The following SNX6 variants were observed in gnomAD, a reference collection of about 807,000 sequenced individuals.
SNX6 encodes sorting nexin-6.
In SNX6, 34 loss-of-function variants were observed where a neutral mutation model predicts 63.0. The observed-to-expected ratio is 0.54, with a 90% CI of 0.41 to 0.72. The LOEUF (loss-of-function observed/expected upper bound fraction) is 0.72, where lower values mean the gene tolerates loss of function less well. Ranked by LOEUF, SNX6 falls within the 30% of genes least tolerant of loss-of-function variation. SNX6 has a pLI of 0.00. For missense variants in SNX6, 398 were observed against 471.4 expected (o/e 0.84, Z 1.44); for synonymous variants, 170 against 164.2 (o/e 1.04, Z -0.27).
chr14:34,613,877 G>A (rs985878575), intron 2 of SNX6, among the ~76,000 whole-genome samples: 9 of 152,018 alleles, frequency 5.9e-5, no homozygotes, highest in Non-Finnish European at 1.2e-4. Flanking sequence ...GGGAGCCCGA[G>A]GTGGGTGGAT....
chr14:34,581,486 T>C, intron 10 of SNX6, 75 bp downstream of exon 10: 1 of 881,676 alleles, frequency 1.1e-6, no homozygotes, highest in South Asian at 2.0e-5. Flanking sequence ...TTTTCTGAAT[T>C]GTGGTAAAAA....
intron 2 of SNX6, among the ~76,000 whole-genome samples, chr14:34,627,448 C>T (rs1469346620): frequency 1.3e-5 from 2 of 149,628 alleles, no homozygotes; most frequent in Non-Finnish European, 3.0e-5. Flanking sequence ...AGCGAGACTC[C>T]GTTTCAAAAA....
chr14:34,625,413 C>CAGA (rs1469624922), intron 2 of SNX6, among the ~76,000 whole-genome samples: 1 of 152,102 alleles, frequency 6.6e-6, no homozygotes, highest in Non-Finnish European at 1.5e-5. Context: ...AGTGCACAAA[C>CAGA]AGAAACTCCT....
chr14:34,570,992 G>C (rs372037405), intron 11 of SNX6, among the ~76,000 whole-genome samples: 1 of 151,008 alleles, frequency 6.6e-6, no homozygotes, highest in South Asian at 2.1e-4. Flanking sequence ...CAAAGTACTG[G>C]GATTACAGAC....
chr14:34,577,021 G>T (rs529271753), intron 10 of SNX6, among the ~76,000 whole-genome samples: 1 of 152,054 alleles, frequency 6.6e-6, no homozygotes, highest in African/African-American at 2.4e-5. Flanking sequence ...CTACATTCCA[G>T]CCTGGGTGAC....
rs531659964 is a variant in SNX6, at chr14:34,609,540, T to C, written c.159+98A>G. The C allele has an allele frequency of 1.7e-4, 100 of 582,716 alleles. 1 individual carries two copies. The South Asian group carries it at 3.3e-3, about 19-fold the overall frequency. The allele number at this position is 582,716 out of a possible 1,614,324, so 36.1% of individuals were successfully genotyped here. On this transcript the variant is annotated intron_variant, in intron 3 of 13. Transcript: ENST00000362031. ...CTACATCTATTTTTGTTAAAATAGT[T>C]TCTTTCCAATTATGTTTAAAACCCA...
intron 12 of SNX6, 26 bp downstream of exon 12, chr14:34,567,828 G>A: frequency 6.2e-7 from 1 of 1,613,056 alleles, no homozygotes; most frequent in Non-Finnish European, 8.5e-7. Flanking sequence ...AGCATATCTT[G>A]TGATTAAAGG....
intron 2 of SNX6, among the ~76,000 whole-genome samples, chr14:34,623,444 A>C (rs931953216): frequency 2.0e-4 from 30 of 152,102 alleles, no homozygotes; most frequent in African/African-American, 5.8e-4. Flanking sequence ...CTTACCCCCC[A>C]AAAAAAGGGG....
Position 34,575,861 on chromosome 14 carries a change from T to A in SNX6, c.835-19A>T. 6.9e-7 allele frequency: 1 copy of A among 1,452,468 alleles called. No individual in the cohort carries two copies. Among genetic ancestry groups the A allele is most frequent in the Non-Finnish European group, 9.5e-7 (1 of 1,054,624 alleles). The allele number at this position is 1,452,468 out of a possible 1,614,324, so 90.0% of individuals were successfully genotyped here. A position where few individuals can be genotyped will look rare whatever the true frequency, so the allele number is the denominator to read the frequency against. On this transcript the variant is annotated intron_variant, in intron 10 of 13. Transcript: ENST00000362031. Reference sequence around the variant, plus strand: ...CTATTTTCTGAAAAGAAGGAAAAAATTGAATATTTAATCAACAACTACATT... The same window carrying A: ...CTATTTTCTGAAAAGAAGGAAAAAAATGAATATTTAATCAACAACTACATT...
intron 11 of SNX6, among the ~76,000 whole-genome samples, chr14:34,571,017 C>T (rs1240437216): frequency 6.6e-6 from 1 of 151,950 alleles, no homozygotes. Flanking sequence ...GCCACCGCAC[C>T]TGGCCCCAGC....
At chr14:34,604,847 G>C (rs551476514) in intron 5 of SNX6, among the ~76,000 whole-genome samples, 2 of 87,084 alleles carry the variant, frequency 2.3e-5, no homozygotes, top group South Asian at 8.4e-4. Flanking sequence ...TAAGTATAAT[G>C]CAAATACTCC....
intron 2 of SNX6, among the ~76,000 whole-genome samples, chr14:34,625,960 G>C (rs1382402991): frequency 6.6e-6 from 1 of 152,140 alleles, no homozygotes; most frequent in Non-Finnish European, 1.5e-5. Context: ...CAGTGGCTCT[G>C]ATATCAGAAA....
At chr14:34,578,937 C>CAAAAAAAAAAAAAAAAAAAAAAAA in intron 10 of SNX6, among the ~76,000 whole-genome samples, 1 of 22,542 alleles carries the variant, frequency 4.4e-5, no homozygotes, top group Non-Finnish European at 9.3e-5. Context: ...GACTTCATCT[C>CAAAAAAAAAAAAAAAAAAAAAAAA]AAAAAAAAAA....
chr14:34,617,568 A>G (rs995678699), intron 2 of SNX6, among the ~76,000 whole-genome samples: 6 of 137,926 alleles, frequency 4.4e-5, no homozygotes, highest in Middle Eastern at 4.3e-3. Flanking sequence ...TGATTGTGCC[A>G]CTGCATTCCA....
chr14:34,604,055 G>GAA (rs77834149), intron 5 of SNX6: 3,537 of 802,264 alleles, frequency 4.4e-3, no homozygotes, highest in South Asian at 5.3e-3. Context: ...CAGTTTGGGG[G>GAA]AAAAAAAAAA....
chr14:34,600,885 G>C (rs563676389), intron 6 of SNX6, among the ~76,000 whole-genome samples: 1 of 152,064 alleles, frequency 6.6e-6, no homozygotes, highest in Non-Finnish European at 1.5e-5. Context: ...TAAAATATAA[G>C]AATTAGCCAG....
intron 2 of SNX6, among the ~76,000 whole-genome samples, chr14:34,617,939 A>T (rs1203141018): frequency 6.6e-6 from 1 of 151,646 alleles, no homozygotes; most frequent in Non-Finnish European, 1.5e-5. Context: ...AAAAAGACTT[A>T]GGAAGACATT....
intron 1 of SNX6, 47 bp from the exon 2 acceptor site, chr14:34,630,001 G>C: frequency 6.6e-7 from 1 of 1,519,320 alleles, no homozygotes; most frequent in Non-Finnish European, 8.8e-7. Flanking sequence ...GATGAGATGG[G>C]GGAGACACAA....
chr14:34,580,094 G>A (rs1454470372), intron 10 of SNX6, among the ~76,000 whole-genome samples: 1 of 152,104 alleles, frequency 6.6e-6, no homozygotes, highest in East Asian at 1.9e-4. Context: ...CAAGAGAATC[G>A]CTTGAACCTG....
Sources: gnomAD v4.1 joint callset for allele counts (sites outside exome capture counted in the v4.1 genomes callset) on GRCh38, gnomAD v4.1.1 for gene constraint, MANE v1.5 for transcripts, NCBI Gene and HGNC (gene_info 2026-07-23, HGNC 2026-07-21) for gene names.